Variants in PHF20 observed in about 807,000 individuals in gnomAD.
PHF20 encodes the protein glioma-expressed antigen 2.
Under a neutral mutation model 113.5 loss-of-function variants are expected in PHF20, and 23 were observed. That is an observed-to-expected ratio of 0.20 (90% CI 0.15 to 0.29). The LOEUF is 0.29. Among genes scored for constraint, PHF20 ranks in the 10% least tolerant of loss-of-function variants. The pLI is 1.00. For synonymous variants in PHF20, 434 were observed against 457.3 expected, an observed-to-expected ratio of 0.95 and a Z score of 0.65; for missense variants, 943 against 1,219.6, an observed-to-expected ratio of 0.77 and a Z score of 3.38.
chr20:35,870,958 A>G lies in PHF20; in HGVS notation c.926A>G (p.Gln309Arg). The change falls in exon 8 of 18, where the codon CAG (glutamine) becomes CGG (arginine). Residue 309 changes from glutamine to arginine, a missense_variant. Gln to Arg is a conservative substitution (Grantham distance 43, BLOSUM62 1). Coordinates refer to ENST00000374012, the MANE Select transcript of PHF20 (RefSeq NM_016436.5). ...KRPRLDKNSS[Q>R]EKSKNYSENT... ...AACTCTCTTAATGGTTTAATAGCCC[A>G]GGAAAAGTCAAAAAACTACTCGGAA... is the stretch of plus-strand genomic sequence containing the variant. 1 of 1,592,364 alleles carries G rather than the reference A, an allele frequency of 6.3e-7. No individual in the cohort carries two copies. The highest frequency in any genetic ancestry group is 1.2e-5 in the South Asian group (1 of 86,840).
intron 9 of PHF20, among the ~76,000 whole-genome samples, chr20:35,885,883 T>G (rs73902927): frequency 0.011 from 1,603 of 152,276 alleles, 18 homozygotes; most frequent in East Asian, 0.039. Context: ...TAGCATCTAC[T>G]GGTATTTCTT....
intron 17 of PHF20, among the ~76,000 whole-genome samples, chr20:35,943,730 C>G (rs1312494726): frequency 2.0e-5 from 3 of 152,066 alleles, no homozygotes; most frequent in African/African-American, 7.2e-5. Context: ...AAGCAATTCT[C>G]CTGCTTCAGC....
chr20:35,813,323 G>A (rs1412928242), intron 2 of PHF20, among the ~76,000 whole-genome samples: 1 of 152,094 alleles, frequency 6.6e-6, no homozygotes, highest in Non-Finnish European at 1.5e-5. Context: ...TGAGTGTGGT[G>A]GTGTAGTCAA....
Position 35,816,802 on chromosome 20 carries a change from T to C in PHF20, c.83+15197T>C, listed in dbSNP as rs59365017. ...AATTAAATGAGTTTTTTTTTTTTCT[T>C]CTTCTTTGAGATGGAGTCTTGCTCT... On this transcript the variant is annotated intron_variant, in intron 2 of 17. Coordinates refer to ENST00000374012, the MANE Select transcript of PHF20 (RefSeq NM_016436.5). Among the ~76,000 whole-genome samples the C allele has an allele frequency of 8.1e-3, 1,227 of 150,794 alleles. 13 individuals are homozygous for C. The highest frequency in any genetic ancestry group is 0.039 in the East Asian group (201 of 5,136).
intron 10 of PHF20, among the ~76,000 whole-genome samples, chr20:35,911,600 G>T (rs553657979): frequency 2.0e-5 from 3 of 152,064 alleles, no homozygotes; most frequent in South Asian, 4.2e-4. Context: ...GTAAGGCATG[G>T]TGAATTACTT....
chr20:35,802,290 AT>A (rs2041793847), intron 2 of PHF20, among the ~76,000 whole-genome samples: 1 of 151,842 alleles, frequency 6.6e-6, no homozygotes, highest in African/African-American at 2.4e-5. Flanking sequence ...GAATTTGGTC[AT>A]TTTTTGGTGC....
chr20:35,782,554 G>A (rs1319753839), intron 1 of PHF20: 1 of 152,238 alleles, frequency 6.6e-6, no homozygotes, highest in Non-Finnish European at 1.5e-5. Context: ...CAAAGTGCTA[G>A]GATTACAGGC....
intron 5 of PHF20, among the ~76,000 whole-genome samples, chr20:35,858,764 G>T (rs1057488042): frequency 6.6e-6 from 1 of 152,026 alleles, no homozygotes. Context: ...GTAGAGACGG[G>T]GTTTCACCGT....
intron 1 of PHF20, 68 bp from the exon 2 acceptor site, chr20:35,801,423 T>C (rs1383134269): frequency 4.1e-6 from 3 of 731,028 alleles, no homozygotes; most frequent in Non-Finnish European, 7.1e-6. Context: ...TTTTTATGTG[T>C]AGTGAATGAT....
rs1391069154 is a variant in PHF20, at chr20:35,939,098, G to C, written c.2702G>C (p.Gly901Ala). The C allele has an allele frequency of 1.2e-6, 2 of 1,604,804 alleles. No homozygotes were observed. Among genetic ancestry groups the C allele is most frequent in the Admixed American group, 1.7e-5 (1 of 58,716 alleles). ...RSKGDSDPKPGSPKVKEYVSK... is the reference protein window; with the variant it reads ...RSKGDSDPKPASPKVKEYVSK... ...AAGGGGGACAGTGACCCCAAACCCG[G>C]CTCCCCAAAGGTATGTGGCTGCCTT... The change falls in exon 16 of 18, where the codon GGC becomes GCC. Residue 901 changes from glycine to alanine, a missense_variant. Transcript: ENST00000374012.
chr20:35,878,851 C>T (rs762939683), intron 9 of PHF20: 15 of 466,886 alleles, frequency 3.2e-5, no homozygotes, highest in Middle Eastern at 5.7e-4. Flanking sequence ...GATGGTAACA[C>T]GGCATTTTGA....
intron 2 of PHF20, among the ~76,000 whole-genome samples, chr20:35,835,732 C>T (rs1293954375): frequency 2.0e-5 from 3 of 152,094 alleles, no homozygotes; most frequent in African/African-American, 7.2e-5. Flanking sequence ...GAGTTTGAGA[C>T]CAGCCTGGCC....
At chr20:35,818,112 C>T (rs906978615) in intron 2 of PHF20, among the ~76,000 whole-genome samples, 4 of 151,812 alleles carry the variant, frequency 2.6e-5, no homozygotes, top group Non-Finnish European at 4.4e-5. Flanking sequence ...GGTGAAACTC[C>T]GTCTCTACTA....
intron 2 of PHF20, among the ~76,000 whole-genome samples, chr20:35,826,034 T>C (rs145963171): frequency 6.6e-5 from 10 of 152,222 alleles, no homozygotes; most frequent in Non-Finnish European, 1.2e-4. Context: ...TTTGCAGATA[T>C]GCATTTTATA....
chr20:35,819,689 C>A (rs1181186223), intron 2 of PHF20, among the ~76,000 whole-genome samples: 1 of 151,466 alleles, frequency 6.6e-6, no homozygotes, highest in East Asian at 1.9e-4. Flanking sequence ...TTTAAGCAAT[C>A]TTTTCTGAGC....
In PHF20 at chr20:35,871,969, C is replaced by T. The variant is rs376333402; in HGVS notation, c.1282+140C>T. 3 of 523,586 alleles carry T rather than the reference C, an allele frequency of 5.7e-6. No homozygotes were observed. The East Asian group carries it at 9.5e-5, about 17-fold the overall frequency. 32.4% of individuals were successfully genotyped at this position (523,586 alleles called of 1,614,324 possible). ...TCCCTTATCATTTTAATGTTATGCT[C>T]CTTTCATTTCTGATTTTGATAATTT... On this transcript the variant is annotated intron_variant, in intron 9 of 17. Transcript: ENST00000374012.
chr20:35,772,653 C>G (rs1008636464), intron 1 of PHF20, among the ~76,000 whole-genome samples: 2 of 151,596 alleles, frequency 1.3e-5, no homozygotes, highest in Non-Finnish European at 2.9e-5. Context: ...TTCTAAAAGC[C>G]CTCCCCCCCC....
intron 15 of PHF20, 140 bp downstream of exon 15, chr20:35,931,584 C>T: frequency 1.8e-6 from 1 of 569,340 alleles, no homozygotes; most frequent in Non-Finnish European, 2.9e-6. Flanking sequence ...TTATCAGTTT[C>T]AGGATAAACA....
chr20:35,931,148 T>G, intron 14 of PHF20, 101 bp from the exon 15 acceptor site: 1 of 787,502 alleles, frequency 1.3e-6, no homozygotes, highest in Non-Finnish European at 2.1e-6. Context: ...AGTATACTAA[T>G]CTGTTCTTCC....
Sources: gnomAD v4.1 joint callset for allele counts (sites outside exome capture counted in the v4.1 genomes callset) on GRCh38, gnomAD v4.1.1 for gene constraint, MANE v1.5 for transcripts, NCBI Gene and HGNC (gene_info 2026-07-23, HGNC 2026-07-21) for gene names.